SGCZ: variants seen among roughly 807,000 people sequenced by gnomAD.
SGCZ encodes the protein zeta-sarcoglycan.
Under a neutral mutation model 41.3 loss-of-function variants are expected in SGCZ, and 40 were observed. The ratio of observed to expected loss-of-function variants is 0.97; its 90% CI spans 0.75 to 1.26. The LOEUF (loss-of-function observed/expected upper bound fraction) is 1.26. Among genes scored for constraint, SGCZ ranks in the 50% most tolerant of loss-of-function variants. The pLI, the probability that SGCZ is intolerant of heterozygous loss-of-function variation, is 0.00. For synonymous variants in SGCZ, 206 were observed against 137.5 expected (o/e 1.50, Z -3.49); for missense variants, 552 against 369.8 (o/e 1.49, Z -4.04).
intron 3 of SGCZ, among the ~76,000 whole-genome samples, chr8:14,252,611 A>G (rs1799323884): frequency 6.6e-6 from 1 of 152,148 alleles, no homozygotes; most frequent in Non-Finnish European, 1.5e-5. Flanking sequence ...ATTCTTCTAG[A>G]GAAAGTTTGT....
intron 2 of SGCZ, among the ~76,000 whole-genome samples, chr8:14,447,978 G>A (rs1800481342): frequency 6.6e-6 from 1 of 152,128 alleles, no homozygotes; most frequent in Admixed American, 6.5e-5. Flanking sequence ...AAACGGAAAT[G>A]TACATAGTGG....
intron 1 of SGCZ, among the ~76,000 whole-genome samples, chr8:15,136,768 T>C (rs1329306227): frequency 1.3e-5 from 2 of 152,186 alleles, no homozygotes; most frequent in African/African-American, 2.4e-5. Flanking sequence ...TGTGAGTCAA[T>C]TACACCTCTT....
chr8:14,495,669 A>G (rs1398516942), intron 2 of SGCZ, among the ~76,000 whole-genome samples: 4 of 152,226 alleles, frequency 2.6e-5, no homozygotes, highest in African/African-American at 9.6e-5. Flanking sequence ...CATTAAGGTG[A>G]AAGACCAAAC....
intron 1 of SGCZ, among the ~76,000 whole-genome samples, chr8:14,941,527 C>G (rs894900025): frequency 1.3e-5 from 2 of 151,998 alleles, no homozygotes; most frequent in African/African-American, 4.8e-5. Context: ...TCTTAATCCC[C>G]TACACAATAT....
rs570608216 is a variant in SGCZ, at chr8:15,140,492, T to A, written c.39+97093A>T. Among the ~76,000 whole-genome samples the A allele has an allele frequency of 4.6e-5, 7 of 152,302 alleles. No individual in the cohort carries two copies. The East Asian group carries it at 1.4e-3, about 29-fold the overall frequency. On this transcript the variant is annotated intron_variant, in intron 1 of 7. Coordinates refer to ENST00000382080, the MANE Select transcript of SGCZ (RefSeq NM_139167.4). ...CACTTATTTTTCACCCTCTTGAGGA[T>A]GGAGATAATACAGATTAAGTACTTG...
At chr8:14,111,494 C>G (rs948898339) in intron 5 of SGCZ, among the ~76,000 whole-genome samples, 5 of 152,122 alleles carry the variant, frequency 3.3e-5, no homozygotes, top group Non-Finnish European at 5.9e-5. Flanking sequence ...ACAACAGAGA[C>G]ACATATTAAT....
intron 1 of SGCZ, among the ~76,000 whole-genome samples, chr8:14,743,459 T>C (rs1377224629): frequency 6.6e-6 from 1 of 152,078 alleles, no homozygotes; most frequent in Non-Finnish European, 1.5e-5. Flanking sequence ...TATAGAAAAG[T>C]AAAATGAATC....
chr8:15,172,322 C>A (rs377558098), intron 1 of SGCZ, among the ~76,000 whole-genome samples: 9 of 150,584 alleles, frequency 6.0e-5, no homozygotes, highest in Non-Finnish European at 8.9e-5. Flanking sequence ...CCACCATGCC[C>A]GGCTAATTTT....
At chr8:15,172,152 C>CTT (rs1799851364) in intron 1 of SGCZ, among the ~76,000 whole-genome samples, 3 of 70,550 alleles carry the variant, frequency 4.3e-5, no homozygotes, top group Admixed American at 1.8e-4. Context: ...CTTTTATACT[C>CTT]TGTTTTTTTT....
At chr8:15,173,217 G>A (rs1309000418) in intron 1 of SGCZ, among the ~76,000 whole-genome samples, 5 of 152,112 alleles carry the variant, frequency 3.3e-5, no homozygotes, top group African/African-American at 9.7e-5. Context: ...ATATAACATG[G>A]AATTTACCAT....
chr8:14,984,774 A>C (rs1354581226), intron 1 of SGCZ, among the ~76,000 whole-genome samples: 1 of 152,116 alleles, frequency 6.6e-6, no homozygotes, highest in East Asian at 1.9e-4. Flanking sequence ...GCTACAATTA[A>C]ATTACTTTGG....
At chr8:15,008,088 T>C (rs566554779) in intron 1 of SGCZ, among the ~76,000 whole-genome samples, 3 of 152,302 alleles carry the variant, frequency 2.0e-5, no homozygotes, top group African/African-American at 7.2e-5. Context: ...CTGTAAAAGA[T>C]CTTTAGTCTA....
At chr8:14,203,761 G>T (rs903852110) in intron 4 of SGCZ, among the ~76,000 whole-genome samples, 4 of 152,258 alleles carry the variant, frequency 2.6e-5, no homozygotes, top group Admixed American at 2.0e-4. Flanking sequence ...AAAGCAGAAT[G>T]CACTTAGTAT....
intron 1 of SGCZ, among the ~76,000 whole-genome samples, chr8:15,057,901 C>T (rs1804772803): frequency 6.6e-6 from 1 of 152,052 alleles, no homozygotes; most frequent in South Asian, 2.1e-4. Flanking sequence ...ATCTCATCAC[C>T]TAATCTGGGC....
chr8:14,354,096 G>A (rs547629178), intron 2 of SGCZ, among the ~76,000 whole-genome samples: 1 of 151,914 alleles, frequency 6.6e-6, no homozygotes, highest in South Asian at 2.1e-4. Flanking sequence ...TGTTTTTCGG[G>A]AAAGGAGTGT....
intron 1 of SGCZ, among the ~76,000 whole-genome samples, chr8:14,803,712 T>C (rs1801420571): frequency 6.6e-6 from 1 of 151,604 alleles, no homozygotes; most frequent in South Asian, 2.1e-4. Flanking sequence ...AAGCTCAAAC[T>C]GGGTGGAGCC....
At chr8:14,097,577 G>A (rs1451978678) in intron 7 of SGCZ, among the ~76,000 whole-genome samples, 1 of 152,188 alleles carries the variant, frequency 6.6e-6, no homozygotes, top group Non-Finnish European at 1.5e-5. Context: ...GATTTGGGGT[G>A]GAGAGTTCTG....
intron 1 of SGCZ, among the ~76,000 whole-genome samples, chr8:14,587,675 G>A (rs1466240487): frequency 6.6e-6 from 1 of 152,162 alleles, no homozygotes; most frequent in Non-Finnish European, 1.5e-5. Context: ...GGAAGCAGAT[G>A]TAATACTTCA....
At chr8:14,616,631 C>T (rs941614869) in intron 1 of SGCZ, among the ~76,000 whole-genome samples, 6 of 152,038 alleles carry the variant, frequency 3.9e-5, no homozygotes, top group Non-Finnish European at 5.9e-5. Context: ...AGGGAGAATT[C>T]AGGCACTGAG....
Sources: allele counts gnomAD v4.1 joint callset (sites outside exome capture counted in the v4.1 genomes callset), GRCh38; gene constraint gnomAD v4.1.1; transcripts MANE v1.5; gene names NCBI Gene and HGNC (gene_info 2026-07-23, HGNC 2026-07-21).